The following NRG1 variants were observed in gnomAD, a reference collection of about 807,000 sequenced individuals.
NRG1 encodes pro-neuregulin-1, membrane-bound isoform.
A neutral mutation model predicts 63.8 loss-of-function variants in NRG1; 18 were observed. That is an observed-to-expected ratio of 0.28 (90% confidence interval 0.19 to 0.42). The LOEUF (loss-of-function observed/expected upper bound fraction) is 0.42, where lower values mean the gene tolerates loss of function less well. NRG1 is among the 10% of genes least tolerant of loss of function. The probability of loss-of-function intolerance (pLI) is 1.00; values close to 1 mark genes in which losing one functional copy is unlikely to be tolerated. For synonymous variants in NRG1, 302 were observed against 301.3 expected (o/e 1.00, Z -0.02); for missense variants, 762 against 814.7 (o/e 0.94, Z 0.79).
At chr8:32,459,262 G>A (rs1378227124) in intron 1 of NRG1, among the ~76,000 whole-genome samples, 1 of 152,010 alleles carries the variant, frequency 6.6e-6, no homozygotes, top group African/African-American at 2.4e-5. Context: ...TCCCTTCTTT[G>A]CCTCACTGTC....
chr8:31,793,450 G>A (rs183903632), intron 1 of NRG1, among the ~76,000 whole-genome samples: 264 of 152,272 alleles, frequency 1.7e-3, no homozygotes, highest in Admixed American at 3.9e-3. Flanking sequence ...ACCCCAAACT[G>A]TTAATAACTA....
At chr8:32,599,307 T>C (rs772831144) in intron 2 of NRG1, among the ~76,000 whole-genome samples, 2 of 152,072 alleles carry the variant, frequency 1.3e-5, no homozygotes, top group African/African-American at 2.4e-5. Flanking sequence ...GTGTAAGATT[T>C]TTCTGGGATT....
intron 1 of NRG1, among the ~76,000 whole-genome samples, chr8:32,579,187 T>C (rs1457926981): frequency 7.2e-6 from 1 of 138,558 alleles, no homozygotes; most frequent in African/African-American, 2.6e-5. Flanking sequence ...AGAAGTTCTT[T>C]CTTCTGTCTT....
chr8:32,400,356 C>A (rs777385337), intron 1 of NRG1, among the ~76,000 whole-genome samples: 1 of 152,086 alleles, frequency 6.6e-6, no homozygotes, highest in East Asian at 1.9e-4. Context: ...GGTGGTGCAA[C>A]CCTATAGTCT....
intron 1 of NRG1, among the ~76,000 whole-genome samples, chr8:32,261,552 T>G (rs1281214960): frequency 6.6e-6 from 1 of 152,138 alleles, no homozygotes; most frequent in Non-Finnish European, 1.5e-5. Context: ...TTTTGAGTTC[T>G]GTCTGCACAT....
intron 1 of NRG1, among the ~76,000 whole-genome samples, chr8:32,364,585 G>A (rs138296169): frequency 9.2e-5 from 14 of 151,918 alleles, no homozygotes; most frequent in African/African-American, 2.9e-4. Flanking sequence ...ACAACCACCC[G>A]GGTTGTTTTT....
rs1260651783 is a variant in NRG1, at chr8:31,751,082, G to A, written c.37+111651G>A. 3.9e-5 allele frequency among the ~76,000 whole-genome samples: 6 copies of A among 152,076 alleles called. No homozygotes were observed. The East Asian group carries it at 1.2e-3, about 30-fold the overall frequency. On this transcript the variant is annotated intron_variant, in intron 1 of 10. Coordinates refer to the NRG1 transcript ENST00000519301. ...TTTCAATCCCCAAAGTATAGATTAA[G>A]GCAGCAGTATTCTAGGTCTTACACA...
rs559055412 is a variant in NRG1, at chr8:32,396,206, G to A, written c.38-199622G>A. Among the ~76,000 whole-genome samples, 30 of 152,162 alleles carry A rather than the reference G, an allele frequency of 2.0e-4. 1 individual carries two copies. The South Asian group carries it at 6.2e-3, about 32-fold the overall frequency. On this transcript the variant is annotated intron_variant, in intron 1 of 10. Transcript: ENST00000519301. ...TTAGACATTTTTTTTGGCTACTGCA[G>A]GTTCTGTGTATTTTCAGAGGACTTT...
intron 1 of NRG1, among the ~76,000 whole-genome samples, chr8:32,477,133 C>T (rs1013219221): frequency 2.0e-5 from 3 of 152,156 alleles, no homozygotes; most frequent in Non-Finnish European, 2.9e-5. Flanking sequence ...ATTCCAGCAA[C>T]AAGTCTGATC....
rs1385428473 is a variant in NRG1 at position 31,661,351 on chromosome 8, C to T, written c.37+21920C>T. On this transcript the variant is annotated intron_variant, in intron 1 of 10. Coordinates refer to the NRG1 transcript ENST00000519301. ...AGCTTATGAAGGTCTGGTCCTGGTCCTAAGTGAACTAGTCCCCAGCAGAAT... is the reference window on the plus strand; with the variant it reads ...AGCTTATGAAGGTCTGGTCCTGGTCTTAAGTGAACTAGTCCCCAGCAGAAT... Among the ~76,000 whole-genome samples the T allele has an allele frequency of 2.6e-5, 4 of 152,140 alleles. No individual in the cohort carries two copies. The East Asian group carries it at 7.7e-4, about 29-fold the overall frequency.
intron 1 of NRG1, among the ~76,000 whole-genome samples, chr8:31,745,205 C>T (rs920239807): frequency 6.6e-6 from 1 of 151,824 alleles, no homozygotes; most frequent in Non-Finnish European, 1.5e-5. Context: ...TTGAAACCTG[C>T]TGAGTAGCTG....
At chr8:31,673,937 G>T (rs566796584) in intron 1 of NRG1, among the ~76,000 whole-genome samples, 1 of 152,194 alleles carries the variant, frequency 6.6e-6, no homozygotes, top group South Asian at 2.1e-4. Context: ...TCCCCCAAAA[G>T]AAATCAGGTA....
intron 1 of NRG1, among the ~76,000 whole-genome samples, chr8:32,415,294 G>C (rs1403948635): frequency 6.6e-6 from 1 of 150,446 alleles, no homozygotes; most frequent in Non-Finnish European, 1.5e-5. Flanking sequence ...TGTAGTCCCA[G>C]CTACTTGGGA....
chr8:32,212,335 T>G (rs746080282), intron 1 of NRG1, among the ~76,000 whole-genome samples: 64 of 152,194 alleles, frequency 4.2e-4, no homozygotes, highest in Middle Eastern at 3.4e-3. Flanking sequence ...CTTATTAAAT[T>G]TTTGCAACTC....
intron 1 of NRG1, among the ~76,000 whole-genome samples, chr8:32,097,842 T>G (rs531435999): frequency 1.3e-4 from 20 of 152,104 alleles, no homozygotes; most frequent in Non-Finnish European, 2.8e-4. Flanking sequence ...TGGAAAAAGG[T>G]GAAAATGTTA....
chr8:31,701,224 G>T (rs1452286469), intron 1 of NRG1, among the ~76,000 whole-genome samples: 1 of 152,060 alleles, frequency 6.6e-6, no homozygotes, highest in Admixed American at 6.6e-5. Context: ...GTAATTATAT[G>T]TAACGTAAAA....
chr8:32,667,082 C>T (rs995980517), intron 5 of NRG1, among the ~76,000 whole-genome samples: 1 of 152,148 alleles, frequency 6.6e-6, no homozygotes, highest in Non-Finnish European at 1.5e-5. Flanking sequence ...TTAACACAAG[C>T]CTTGATGGTA....
At position 32,742,988 on chromosome 8, in the gene NRG1, G is replaced by T; in HGVS notation, c.691+255G>T. 7.7e-7 allele frequency: 1 copy of T among 1,302,018 alleles called. No homozygotes were observed. Among genetic ancestry groups the T allele is most frequent in the Non-Finnish European group, 9.8e-7 (1 of 1,019,616 alleles). 80.7% of individuals were successfully genotyped at this position (1,302,018 alleles called of 1,614,324 possible). A position where few individuals can be genotyped will look rare whatever the true frequency, so the allele number is the denominator to read the frequency against. ...GATGTTTCTGGAATTGATATTGAAT[G>T]ATGTGATACAAATTGATAGTCAATA... On this transcript the variant is annotated intron_variant, in intron 7 of 11. Coordinates refer to ENST00000356819, the Ensembl canonical transcript of NRG1. This position sits in a 1 kb window ranked among gnomAD's most constrained non-coding sequence, Gnocchi z 4.2.
chr8:32,042,223 T>C (rs750106891), intron 1 of NRG1, among the ~76,000 whole-genome samples: 28 of 152,148 alleles, frequency 1.8e-4, no homozygotes, highest in Non-Finnish European at 3.2e-4. Flanking sequence ...GGCAAGAGAA[T>C]TGCTTGCGGC....
Sources: gnomAD v4.1 joint callset for allele counts (sites outside exome capture counted in the v4.1 genomes callset) on GRCh38, gnomAD v4.1.1 for gene constraint, Gnocchi (gnomAD v3.1) non-coding constraint, MANE v1.5 for transcripts, NCBI Gene and HGNC (gene_info 2026-07-23, HGNC 2026-07-21) for gene names.